The following MARCHF1 variants were observed in gnomAD, a reference collection of about 807,000 sequenced individuals.
MARCHF1 encodes membrane associated ring-CH-type finger 1.
Under a neutral mutation model 54.2 loss-of-function variants are expected in MARCHF1, and 40 were observed. The ratio of observed to expected loss-of-function variants is 0.74; its 90% CI spans 0.57 to 0.96. The LOEUF is 0.96. Among genes scored for constraint, MARCHF1 ranks in the 40% least tolerant of loss-of-function variants. MARCHF1 has a pLI of 0.00. For synonymous variants in MARCHF1, 236 were observed against 236.3 expected (o/e 1.00, Z 0.01); for missense variants, 586 against 656.5 (o/e 0.89, Z 1.17).
chr4:164,328,738 C>T (rs1735349467), intron 1 of MARCHF1, among the ~76,000 whole-genome samples: 1 of 152,122 alleles, frequency 6.6e-6, no homozygotes, highest in Admixed American at 6.5e-5. Context: ...CCATGTTGCC[C>T]AGGCTGGTCT....
chr4:163,649,863 G>A (rs759878649), intron 5 of MARCHF1, among the ~76,000 whole-genome samples: 11 of 151,972 alleles, frequency 7.2e-5, no homozygotes, highest in Admixed American at 1.3e-4. Flanking sequence ...GGCAAAATGA[G>A]CAGCTGAATA....
At chr4:164,047,943 T>C (rs1465225842) in intron 2 of MARCHF1, among the ~76,000 whole-genome samples, 1 of 152,202 alleles carries the variant, frequency 6.6e-6, no homozygotes, top group African/African-American at 2.4e-5. Context: ...TATCCTTCTA[T>C]GTAACCAACA....
intron 3 of MARCHF1, chr4:163,933,329 T>C: frequency 1.9e-6 from 1 of 533,258 alleles, no homozygotes; most frequent in Non-Finnish European, 3.6e-6. Flanking sequence ...CCACTTGGAT[T>C]TCCTATAGCA....
At chr4:163,838,133 A>C (rs532276617) in intron 4 of MARCHF1, among the ~76,000 whole-genome samples, 30 of 152,228 alleles carry the variant, frequency 2.0e-4, no homozygotes, top group African/African-American at 7.0e-4. Flanking sequence ...TAGCCTTAAA[A>C]TGCACATATA....
chr4:164,152,329 C>A (rs1469316727), intron 1 of MARCHF1, among the ~76,000 whole-genome samples: 1 of 152,056 alleles, frequency 6.6e-6, no homozygotes, highest in Non-Finnish European at 1.5e-5. Flanking sequence ...TCTGCTGTCC[C>A]ATATTTCCAG....
At chr4:164,174,706 T>C (rs1730617910) in intron 1 of MARCHF1, among the ~76,000 whole-genome samples, 1 of 152,230 alleles carries the variant, frequency 6.6e-6, no homozygotes, top group South Asian at 2.1e-4. Flanking sequence ...TATGTTGTTC[T>C]AATATATTTG....
At chr4:163,863,787 A>C (rs1749992341) in intron 3 of MARCHF1, among the ~76,000 whole-genome samples, 1 of 152,002 alleles carries the variant, frequency 6.6e-6, no homozygotes, top group Non-Finnish European at 1.5e-5. Context: ...GGTAGGAAAA[A>C]TACAAGATGA....
intron 3 of MARCHF1, among the ~76,000 whole-genome samples, chr4:163,894,885 CATAT>C (rs370644807): frequency 7.0e-5 from 1 of 14,340 alleles, no homozygotes; most frequent in African/African-American, 1.7e-4. Flanking sequence ...GCATGTGATG[CATAT>C]ATATATGCAT....
At chr4:164,028,320 C>T (rs528213043) in intron 2 of MARCHF1, among the ~76,000 whole-genome samples, 2 of 152,160 alleles carry the variant, frequency 1.3e-5, no homozygotes, top group South Asian at 2.1e-4. Context: ...TGGGATCAAC[C>T]TATGTGCTCA....
At chr4:164,011,403 A>G (rs529837007) in intron 2 of MARCHF1, among the ~76,000 whole-genome samples, 2 of 152,330 alleles carry the variant, frequency 1.3e-5, no homozygotes, top group Admixed American at 1.3e-4. Flanking sequence ...ATATAATGAA[A>G]AGCTCAGACA....
intron 2 of MARCHF1, among the ~76,000 whole-genome samples, chr4:164,047,522 C>A (rs185971626): frequency 3.3e-4 from 50 of 152,278 alleles, no homozygotes; most frequent in African/African-American, 9.9e-4. Flanking sequence ...AACAGAAAGC[C>A]AACGCAGTGA....
chr4:163,817,374 TAC>T (rs1359066352), intron 4 of MARCHF1, among the ~76,000 whole-genome samples: 1 of 151,930 alleles, frequency 6.6e-6, no homozygotes, highest in African/African-American at 2.4e-5. Flanking sequence ...TACATATACA[TAC>T]ATATATACAC....
chr4:163,629,020 T>C (rs566286257), intron 5 of MARCHF1, among the ~76,000 whole-genome samples: 3 of 152,152 alleles, frequency 2.0e-5, no homozygotes, highest in Middle Eastern at 3.2e-3. Flanking sequence ...AAACTACCAA[T>C]GACTTTCTTC....
intron 1 of MARCHF1, among the ~76,000 whole-genome samples, chr4:164,278,801 G>A (rs757180842): frequency 6.6e-6 from 1 of 152,060 alleles, no homozygotes; most frequent in African/African-American, 2.4e-5. Context: ...ACCGTTTTTG[G>A]TTTACAAACA....
In MARCHF1 at chr4:163,800,001, G is replaced by A. The variant is rs74773846; in HGVS notation, c.111+54020C>T. Among the ~76,000 whole-genome samples, 261 of 152,074 alleles carry A rather than the reference G, an allele frequency of 1.7e-3. 1 individual carries two copies. The highest frequency in any genetic ancestry group is 6.0e-3 in the African/African-American group (248 of 41,526). ...TCTTTGCAGTAATACATATGCAGCC[G>A]GAGGCCATTATGCTAAGTGAATTAA... On this transcript the variant is annotated intron_variant, in intron 4 of 9. Transcript: ENST00000514618.
intron 3 of MARCHF1, among the ~76,000 whole-genome samples, chr4:163,913,531 A>C (rs2111341699): frequency 6.6e-6 from 1 of 152,248 alleles, no homozygotes; most frequent in Middle Eastern, 3.4e-3. Context: ...ATGGAATCCT[A>C]CATTACTAAT....
At chr4:163,766,493 G>T (rs1414684178) in intron 4 of MARCHF1, among the ~76,000 whole-genome samples, 1 of 152,100 alleles carries the variant, frequency 6.6e-6, no homozygotes, top group Non-Finnish European at 1.5e-5. Context: ...CAAATATACA[G>T]CCTTACTACA....
intron 8 of MARCHF1, among the ~76,000 whole-genome samples, 174 bp from the exon 9 acceptor site, chr4:163,545,917 C>A (rs560160449): frequency 6.6e-6 from 1 of 151,546 alleles, no homozygotes; most frequent in African/African-American, 2.4e-5. Flanking sequence ...GAAATTATAA[C>A]CTAGAGAGTT....
At chr4:164,316,985 A>T (rs114136010) in intron 1 of MARCHF1, among the ~76,000 whole-genome samples, 2,646 of 152,276 alleles carry the variant, frequency 0.017, 78 homozygotes, top group African/African-American at 0.059. Context: ...GAGCCAATTA[A>T]GCCTCTTTCC....
Sources: gnomAD v4.1 joint callset for allele counts (sites outside exome capture counted in the v4.1 genomes callset) on GRCh38, gnomAD v4.1.1 for gene constraint, MANE v1.5 for transcripts, NCBI Gene and HGNC (gene_info 2026-07-23, HGNC 2026-07-21) for gene names.